The following CFDP1 variants were observed in gnomAD, a reference collection of about 807,000 sequenced individuals.
The protein encoded by CFDP1 is heterochromatin-stabilizing protein CFDP1.
A neutral mutation model predicts 40.1 loss-of-function variants in CFDP1; 31 were observed. That is an observed-to-expected ratio of 0.77 (90% CI 0.58 to 1.04). The LOEUF is 1.04. Ranked by LOEUF, CFDP1 falls within the 50% of genes least tolerant of loss-of-function variation. The pLI is 0.00. For synonymous variants in CFDP1, 167 were observed against 120.0 expected (o/e 1.39, Z -2.56); for missense variants, 423 against 343.4 (o/e 1.23, Z -1.83).
At chr16:75,427,564 T>C (rs1211714760) in intron 1 of CFDP1, among the ~76,000 whole-genome samples, 2 of 152,128 alleles carry the variant, frequency 1.3e-5, no homozygotes, top group Non-Finnish European at 2.9e-5. Flanking sequence ...AATTAGCTAA[T>C]ATTTAAAACA....
At chr16:75,384,928 A>G (rs898595201) in intron 5 of CFDP1, among the ~76,000 whole-genome samples, 2 of 144,898 alleles carry the variant, frequency 1.4e-5, no homozygotes, top group Non-Finnish European at 3.0e-5. Context: ...GGGTAAGTCC[A>G]CTTTTGTTTT....
chr16:75,325,813 C>T (rs531979554), intron 5 of CFDP1, among the ~76,000 whole-genome samples: 17 of 152,304 alleles, frequency 1.1e-4, no homozygotes, highest in Non-Finnish European at 2.1e-4. Flanking sequence ...TTAGTTGCTA[C>T]TCAAGCTAGC....
rs1209804675 is a variant in CFDP1 at position 75,349,696 on chromosome 16, T to TATATATATATAC, written c.651-44515_651-44514insGTATATATATAT. Among the ~76,000 whole-genome samples the TATATATATATAC allele has an allele frequency of 1.0e-4, 5 of 47,952 alleles. 1 individual carries two copies. Among genetic ancestry groups the TATATATATATAC allele is most frequent in the African/African-American group, 6.0e-4 (5 of 8,358 alleles). The allele number at this position is 47,952 out of a possible 152,430, so 31.5% of individuals were successfully genotyped here. Reference sequence around the variant, plus strand: ...AAAAAAAAAAAAAAAAAAAAATATATATACATACATATATACGGTTGATTT... The same window carrying TATATATATATAC: ...AAAAAAAAAAAAAAAAAAAAATATATATATATATATACATACATACATATATACGGTTGATTT... On this transcript the variant is annotated intron_variant, in intron 5 of 6. Coordinates refer to ENST00000283882, the MANE Select transcript of CFDP1 (RefSeq NM_006324.3).
intron 4 of CFDP1, among the ~76,000 whole-genome samples, chr16:75,405,136 A>C (rs2151576693): frequency 6.6e-6 from 1 of 152,270 alleles, no homozygotes; most frequent in Non-Finnish European, 1.5e-5. Context: ...ACAGAGTATA[A>C]ATTCAGTTAG....
intron 6 of CFDP1, among the ~76,000 whole-genome samples, chr16:75,300,954 G>A (rs1478565474): frequency 1.3e-5 from 2 of 152,126 alleles, no homozygotes; most frequent in East Asian, 3.9e-4. Flanking sequence ...GGGAGGAGAT[G>A]CCACCAAGCT....
chr16:75,307,978 T>C (rs1472856732), intron 5 of CFDP1, among the ~76,000 whole-genome samples: 1 of 152,242 alleles, frequency 6.6e-6, no homozygotes, highest in Non-Finnish European at 1.5e-5. Context: ...ATCTTTTCTT[T>C]AGATGCTTGT....
chr16:75,423,518 T>G (rs1371077959), intron 1 of CFDP1, among the ~76,000 whole-genome samples: 3 of 151,664 alleles, frequency 2.0e-5, no homozygotes, highest in Admixed American at 2.0e-4. Flanking sequence ...CGAGGTTGGT[T>G]TTTTTTTGTT....
intron 5 of CFDP1, among the ~76,000 whole-genome samples, chr16:75,337,268 A>G (rs2078495881): frequency 6.6e-6 from 1 of 152,190 alleles, no homozygotes; most frequent in African/African-American, 2.4e-5. Flanking sequence ...GCCCGGCACA[A>G]AGGTGGAGCA....
intron 5 of CFDP1, among the ~76,000 whole-genome samples, chr16:75,352,763 A>G (rs1267407056): frequency 1.3e-5 from 2 of 152,204 alleles, no homozygotes; most frequent in South Asian, 2.1e-4. Context: ...GATAAACTAC[A>G]TAAGATATTC....
intron 5 of CFDP1, among the ~76,000 whole-genome samples, chr16:75,376,585 T>A (rs932092469): frequency 1.3e-5 from 2 of 152,142 alleles, no homozygotes; most frequent in African/African-American, 4.8e-5. Context: ...GCAAAGAGCA[T>A]AGGGCAAAAG....
intron 5 of CFDP1, among the ~76,000 whole-genome samples, chr16:75,322,572 A>C (rs1441982575): frequency 6.6e-6 from 1 of 152,220 alleles, no homozygotes; most frequent in Non-Finnish European, 1.5e-5. Context: ...ATCTATGTCT[A>C]AACACATCTA....
chr16:75,430,411 T>C (rs1362323094), intron 1 of CFDP1, among the ~76,000 whole-genome samples: 1 of 151,894 alleles, frequency 6.6e-6, no homozygotes, highest in Non-Finnish European at 1.5e-5. Context: ...CCTCAGGCAA[T>C]CCGCCCACCA....
chr16:75,305,102 G>A lies in CFDP1; in HGVS notation c.731C>T (p.Ser244Phe). 1 of 1,614,072 alleles carries A rather than the reference G, an allele frequency of 6.2e-7. No homozygotes were observed. The highest frequency in any genetic ancestry group is 8.5e-7 in the Non-Finnish European group (1 of 1,180,002). Residue 244 changes from serine to phenylalanine, a missense_variant, in exon 6 of 7, where the codon TCC becomes TTC. By Grantham distance (155) the Ser-to-Phe change is radical. Transcript: ENST00000283882. The stretch of plus-strand genomic sequence containing the variant: ...CTTGAAGCTCTCCCAGTCCAGTTTG[G>A]ACTTCTCAAGGGTGCTCATTTTCTG... ...KKQKMSTLEK[S>F]KLDWESFKEE...
intron 1 of CFDP1, among the ~76,000 whole-genome samples, chr16:75,415,277 T>A (rs903725433): frequency 1.3e-5 from 2 of 152,220 alleles, no homozygotes; most frequent in Non-Finnish European, 2.9e-5. Context: ...TGCTTGGATG[T>A]CTGACCACAT....
Position 75,294,027 on chromosome 16 carries a change from T to C in CFDP1, c.825A>G (p.Lys275=). Residue 275 remains lysine (K), a synonymous_variant, in exon 7 of 7, where the codon AAA becomes AAG. Coordinates refer to ENST00000283882, the MANE Select transcript of CFDP1 (RefSeq NM_006324.3). ...NRGKEGYIER[K]AFLDRVDHRQ... Reference sequence around the variant, plus strand: ...TGTGATCCACTCGGTCAAGGAAGGCTTTCCGTTCAATGTACCTAGAAGATG... The same window carrying C: ...TGTGATCCACTCGGTCAAGGAAGGCCTTCCGTTCAATGTACCTAGAAGATG... 6.2e-7 allele frequency: 1 copy of C among 1,613,752 alleles called. No individual in the cohort carries two copies.
Position 75,433,338 on chromosome 16 carries a change from G to C in CFDP1, c.15C>G (p.Asp5Glu). 1 of 1,597,498 alleles carries C rather than the reference G, an allele frequency of 6.3e-7. No individual in the cohort carries two copies. Among genetic ancestry groups the C allele is most frequent in the Non-Finnish European group, 8.5e-7 (1 of 1,172,544 alleles). Residue 5 changes from aspartate (D) to glutamate (E), a missense_variant, in exon 1 of 7, where the codon GAC (aspartate) becomes GAG (glutamate). Transcript: ENST00000283882. ...CCTCCGACGTAGAGAAGTCTTCGGAGTCGAATTCCTCCATGTTGCTGCCGC... is the reference window on the plus strand; with the variant it reads ...CCTCCGACGTAGAGAAGTCTTCGGACTCGAATTCCTCCATGTTGCTGCCGC... MEEF[D>E]SEDFSTSEED... is the part of the protein sequence containing the mutation.
intron 6 of CFDP1, among the ~76,000 whole-genome samples, chr16:75,303,511 C>T (rs966382104): frequency 1.4e-5 from 2 of 145,824 alleles, no homozygotes; most frequent in Non-Finnish European, 1.5e-5. Flanking sequence ...TGACCCCCCC[C>T]AATAAATCCT....
chr16:75,317,611 AATTTAC>A (rs2151507714), intron 5 of CFDP1, among the ~76,000 whole-genome samples: 1 of 152,298 alleles, frequency 6.6e-6, no homozygotes, highest in African/African-American at 2.4e-5. Flanking sequence ...ACAAACAGAC[AATTTAC>A]ATTTCTGAGA....
intron 5 of CFDP1, chr16:75,372,060 T>C (rs556406443): frequency 6.6e-6 from 1 of 152,294 alleles, no homozygotes; most frequent in South Asian, 2.1e-4. Context: ...CTAAAAGAAT[T>C]AAGTAAAACT....
Sources: allele counts gnomAD v4.1 joint callset (sites outside exome capture counted in the v4.1 genomes callset), GRCh38; gene constraint gnomAD v4.1.1; transcripts MANE v1.5; gene names NCBI Gene and HGNC (gene_info 2026-07-23, HGNC 2026-07-21).